SHISA6: variants seen among roughly 807,000 people sequenced by gnomAD.
SHISA6 encodes the protein shisa family member 6, also known as protein shisa-6.
SHISA6 carries 22 observed loss-of-function variants against 47.9 expected under a neutral mutation model. The ratio of observed to expected loss-of-function variants is 0.46; its 90% CI spans 0.33 to 0.66. SHISA6 has a LOEUF of 0.66. Among genes scored for constraint, SHISA6 ranks in the 30% least tolerant of loss-of-function variants. SHISA6 has a pLI of 0.02. For synonymous variants in SHISA6, 388 were observed against 337.8 expected (o/e 1.15, Z -1.63); for missense variants, 680 against 764.6 (o/e 0.89, Z 1.30).
intron 3 of SHISA6, among the ~76,000 whole-genome samples, chr17:11,452,732 T>C (rs888224213): frequency 1.4e-5 from 2 of 143,818 alleles, no homozygotes; most frequent in African/African-American, 5.2e-5. Context: ...TCTCTTCCCC[T>C]CCTCCTCCTC....
At chr17:11,364,112 G>A (rs1205698356) in intron 2 of SHISA6, among the ~76,000 whole-genome samples, 1 of 152,088 alleles carries the variant, frequency 6.6e-6, no homozygotes, top group Non-Finnish European at 1.5e-5. Flanking sequence ...CCTGCAACAG[G>A]TAAACCTAAA....
At chr17:11,404,905 A>G (rs1913899007) in intron 3 of SHISA6, among the ~76,000 whole-genome samples, 1 of 152,106 alleles carries the variant, frequency 6.6e-6, no homozygotes, top group Admixed American at 6.5e-5. Flanking sequence ...TCCCCTTCTC[A>G]GTGTGGAACT....
chr17:11,410,306 C>A (rs1236662440), intron 3 of SHISA6, among the ~76,000 whole-genome samples: 1 of 152,188 alleles, frequency 6.6e-6, no homozygotes, highest in Non-Finnish European at 1.5e-5. Flanking sequence ...CAATAGCAAT[C>A]CTTGAGCATC....
chr17:11,433,246 C>G (rs34868592), intron 3 of SHISA6, among the ~76,000 whole-genome samples: 1 of 152,074 alleles, frequency 6.6e-6, no homozygotes, highest in Non-Finnish European at 1.5e-5. Context: ...CCCCACCCAC[C>G]GACAGGCCCC....
intron 3 of SHISA6, among the ~76,000 whole-genome samples, chr17:11,458,338 G>A (rs1915603326): frequency 6.6e-6 from 1 of 152,166 alleles, no homozygotes; most frequent in Admixed American, 6.5e-5. Flanking sequence ...GGCTCTGATA[G>A]TAATGTTCCT....
chr17:11,382,009 G>T (rs1401031053), intron 3 of SHISA6, among the ~76,000 whole-genome samples: 3 of 152,164 alleles, frequency 2.0e-5, no homozygotes, highest in Non-Finnish European at 4.4e-5. Flanking sequence ...AAGAATCTGG[G>T]TTTGAGGTTG....
At chr17:11,271,902 T>C (rs930925324) in intron 2 of SHISA6, among the ~76,000 whole-genome samples, 8 of 152,156 alleles carry the variant, frequency 5.3e-5, no homozygotes, top group South Asian at 2.1e-4. Flanking sequence ...CTAGCAGCTC[T>C]GCTCCTCCAG....
chr17:11,261,532 C>T lies in SHISA6; in HGVS notation c.639-1834C>T, dbSNP rs369437497. ...ACCACAGTTCTGCTTTCTGTCTTTA[C>T]GGATTTACCTAACTGGGTATGTTAC... On this transcript the variant is annotated intron_variant, in intron 1 of 5. Coordinates refer to ENST00000441885, the MANE Select transcript of SHISA6 (RefSeq NM_207386.4). Among the ~76,000 whole-genome samples, 28 of 152,330 alleles carry T rather than the reference C, an allele frequency of 1.8e-4. No individual in the cohort carries two copies. The East Asian group carries it at 1.9e-3, about 11-fold the overall frequency.
chr17:11,435,685 G>A (rs1914915647), intron 3 of SHISA6, among the ~76,000 whole-genome samples: 1 of 152,116 alleles, frequency 6.6e-6, no homozygotes, highest in South Asian at 2.1e-4. Context: ...TCCTTCGGAT[G>A]CCCCAAAGGC....
intron 2 of SHISA6, chr17:11,288,407 G>A (rs1909399171): frequency 6.6e-6 from 1 of 151,936 alleles, no homozygotes; most frequent in Admixed American, 6.6e-5. Context: ...ATTTATAATT[G>A]TAAATAAGAT....
intron 3 of SHISA6, among the ~76,000 whole-genome samples, chr17:11,533,231 C>T (rs570606263): frequency 6.6e-6 from 1 of 152,292 alleles, no homozygotes; most frequent in African/African-American, 2.4e-5. Flanking sequence ...GCTGCCGTTA[C>T]CTCCCACTTG....
At chr17:11,519,182 A>G (rs1352829765) in intron 3 of SHISA6, among the ~76,000 whole-genome samples, 1 of 152,138 alleles carries the variant, frequency 6.6e-6, no homozygotes, top group East Asian at 1.9e-4. Flanking sequence ...ACAAAAGCAA[A>G]CCCTTTCCCT....
chr17:11,242,926 C>T (rs1436928888), intron 1 of SHISA6, among the ~76,000 whole-genome samples: 1 of 152,094 alleles, frequency 6.6e-6, no homozygotes. Flanking sequence ...CCCAGCCTCC[C>T]CTTAGAACTC....
chr17:11,442,844 T>G (rs1216782157), intron 3 of SHISA6, among the ~76,000 whole-genome samples: 1 of 152,154 alleles, frequency 6.6e-6, no homozygotes, highest in Non-Finnish European at 1.5e-5. Context: ...TGGGCTGGCC[T>G]TGGGCGTCCA....
chr17:11,315,905 A>G (rs903299544), intron 2 of SHISA6, among the ~76,000 whole-genome samples: 2 of 152,210 alleles, frequency 1.3e-5, no homozygotes, highest in African/African-American at 4.8e-5. Flanking sequence ...AGACTTAAAA[A>G]TCACTGAATT....
At chr17:11,317,144 A>T (rs756189886) in intron 2 of SHISA6, among the ~76,000 whole-genome samples, 3 of 151,998 alleles carry the variant, frequency 2.0e-5, no homozygotes, top group Non-Finnish European at 4.4e-5. Flanking sequence ...TGTATAATTT[A>T]TATATCTTAT....
chr17:11,450,043 C>T (rs1915345562), intron 3 of SHISA6, among the ~76,000 whole-genome samples: 1 of 152,170 alleles, frequency 6.6e-6, no homozygotes, highest in Admixed American at 6.5e-5. Flanking sequence ...CGCCACCACG[C>T]CTGGTTAATT....
intron 3 of SHISA6, among the ~76,000 whole-genome samples, chr17:11,438,565 G>A (rs780246783): frequency 4.6e-5 from 7 of 152,130 alleles, no homozygotes; most frequent in Non-Finnish European, 7.4e-5. Context: ...GAGAGAGAAA[G>A]AGAGCACACC....
In SHISA6 at chr17:11,333,695, AG is replaced by A. The variant is rs201474787; in HGVS notation, c.800-45718del. On this transcript the variant is annotated intron_variant, in intron 2 of 5. Transcript: ENST00000441885. The stretch of plus-strand genomic sequence containing the variant: ...ATTCCCGGCTAATTTTTGTATTTTT[AG>A]TAGAGATGGGGTTTCACCATGTTGG... Among the ~76,000 whole-genome samples, 992 of 152,010 alleles carry A rather than the reference AG, an allele frequency of 6.5e-3. 8 individuals are homozygous for A. The highest frequency in any genetic ancestry group is 0.022 in the African/African-American group (932 of 41,466).
Sources: gnomAD v4.1 joint callset for allele counts (sites outside exome capture counted in the v4.1 genomes callset) on GRCh38, gnomAD v4.1.1 for gene constraint, MANE v1.5 for transcripts, NCBI Gene and HGNC (gene_info 2026-07-23, HGNC 2026-07-21) for gene names.